The following VSTM5 variants were observed in gnomAD, a reference collection of about 807,000 sequenced individuals.
The protein encoded by VSTM5 is V-set and transmembrane domain-containing protein 5.
A neutral mutation model predicts 20.3 loss-of-function variants in VSTM5; 21 were observed. That is an observed-to-expected ratio of 1.03 (90% CI 0.73 to 1.49). The LOEUF (loss-of-function observed/expected upper bound fraction) is 1.49. VSTM5 is among the 40% of genes most tolerant of loss of function. VSTM5 has a pLI of 0.00. For missense variants in VSTM5, 219 were observed against 250.0 expected, an observed-to-expected ratio of 0.88 and a Z score of 0.84; for synonymous variants, 100 against 102.5, an observed-to-expected ratio of 0.98 and a Z score of 0.14.
At position 93,844,852 on chromosome 11, in the gene VSTM5, T is replaced by TCTTG. The variant is rs1309173055; in HGVS notation, c.91+5556_91+5559dup. Among the ~76,000 whole-genome samples the TCTTG allele has an allele frequency of 1.3e-4, 9 of 66,756 alleles. 3 individuals carry two copies. The highest frequency in any genetic ancestry group is 6.7e-4 in the Admixed American group (5 of 7,488). 43.8% of individuals were successfully genotyped at this position (66,756 alleles called of 152,430 possible). On this transcript the variant is annotated intron_variant, in intron 1 of 3. Transcript: ENST00000409977. ...TGCAGGGCCCCGCTGCTACCCCAGC[T>TCTTG]CTTGGCAAGCTGTTCCAGGCACAGT...
rs762109647 is a variant in VSTM5 at position 93,820,738 on chromosome 11, G to T, written c.559+5C>A. ...CATGGATTATCACAAGGCCCAGGGGGTTACCTTTGAGTTTGTGTCTTCTCT... is the reference window on the plus strand; with the variant it reads ...CATGGATTATCACAAGGCCCAGGGGTTTACCTTTGAGTTTGTGTCTTCTCT... On this transcript the variant is annotated splice_donor_5th_base_variant and intron_variant, in intron 3 of 3. Coordinates refer to ENST00000409977, the MANE Select transcript of VSTM5 (RefSeq NM_001144871.2). The T allele has an allele frequency of 8.4e-6, 13 of 1,551,686 alleles. No homozygotes were observed. Among genetic ancestry groups the T allele is most frequent in the South Asian group, 1.2e-5 (1 of 84,056 alleles).
At chr11:93,832,289 G>A (rs1269187720) in intron 1 of VSTM5, among the ~76,000 whole-genome samples, 1 of 152,162 alleles carries the variant, frequency 6.6e-6, no homozygotes, top group Non-Finnish European at 1.5e-5. Flanking sequence ...AATGAAAAAA[G>A]TAGAGGGCAG....
At chr11:93,834,007 C>G (rs1464282604) in intron 1 of VSTM5, among the ~76,000 whole-genome samples, 2 of 152,124 alleles carry the variant, frequency 1.3e-5, no homozygotes, top group Admixed American at 1.3e-4. Flanking sequence ...GCCTCAGTTC[C>G]ATTGCCCATC....
intron 1 of VSTM5, among the ~76,000 whole-genome samples, chr11:93,830,633 C>T (rs746157215): frequency 4.6e-5 from 7 of 152,178 alleles, no homozygotes; most frequent in African/African-American, 1.2e-4. Flanking sequence ...GGAGTATCTC[C>T]GCTGAGCTGA....
intron 1 of VSTM5, among the ~76,000 whole-genome samples, chr11:93,841,717 T>G (rs1399179404): frequency 6.6e-6 from 1 of 152,208 alleles, no homozygotes; most frequent in Non-Finnish European, 1.5e-5. Context: ...GGCCCTCCTC[T>G]CCTCTGACAC....
At chr11:93,841,816 G>A (rs1446514298) in intron 1 of VSTM5, among the ~76,000 whole-genome samples, 8 of 152,190 alleles carry the variant, frequency 5.3e-5, no homozygotes, top group Admixed American at 5.2e-4. Context: ...GGGACATGCA[G>A]TCATTAACAG....
chr11:93,831,758 G>A (rs1356872190), intron 1 of VSTM5, among the ~76,000 whole-genome samples: 1 of 152,144 alleles, frequency 6.6e-6, no homozygotes, highest in African/African-American at 2.4e-5. Flanking sequence ...AATGGCAACA[G>A]TCACCATTTC....
chr11:93,825,923 T>C (rs1338669543), intron 1 of VSTM5, among the ~76,000 whole-genome samples: 2 of 149,892 alleles, frequency 1.3e-5, no homozygotes, highest in Non-Finnish European at 3.0e-5. Context: ...TGTACAAAAC[T>C]AAGAGTTGAT....
At chr11:93,835,512 T>C (rs1944316486) in intron 1 of VSTM5, among the ~76,000 whole-genome samples, 2 of 152,230 alleles carry the variant, frequency 1.3e-5, no homozygotes, top group South Asian at 4.1e-4. Flanking sequence ...TAGGCTAAGA[T>C]ACTCTGATCT....
chr11:93,830,634 G>A (rs968507535), intron 1 of VSTM5, among the ~76,000 whole-genome samples: 2 of 152,300 alleles, frequency 1.3e-5, no homozygotes, highest in Admixed American at 1.3e-4. Context: ...GAGTATCTCC[G>A]CTGAGCTGAG....
intron 1 of VSTM5, among the ~76,000 whole-genome samples, chr11:93,828,484 G>A (rs1461150226): frequency 6.6e-6 from 1 of 151,980 alleles, no homozygotes; most frequent in African/African-American, 2.4e-5. Context: ...TTTAAAAATC[G>A]ATTATTCAGA....
chr11:93,836,865 T>C (rs1944326915), intron 1 of VSTM5, among the ~76,000 whole-genome samples: 1 of 151,934 alleles, frequency 6.6e-6, no homozygotes, highest in Non-Finnish European at 1.5e-5. Context: ...CCTTATAGGG[T>C]TGTACATCTG....
At chr11:93,841,875 G>A (rs1047792213) in intron 1 of VSTM5, among the ~76,000 whole-genome samples, 1 of 152,172 alleles carries the variant, frequency 6.6e-6, no homozygotes, top group African/African-American at 2.4e-5. Context: ...TCTGGTGAAC[G>A]GAATTGAGGC....
chr11:93,847,715 G>T (rs143276747), intron 1 of VSTM5, among the ~76,000 whole-genome samples: 1 of 152,220 alleles, frequency 6.6e-6, no homozygotes, highest in African/African-American at 2.4e-5. Context: ...TTCTAGAAAG[G>T]TGCCTGGTCT....
At chr11:93,829,401 G>A (rs928155917) in intron 1 of VSTM5, among the ~76,000 whole-genome samples, 9 of 152,102 alleles carry the variant, frequency 5.9e-5, no homozygotes, top group African/African-American at 1.7e-4. Context: ...GGTGGCTGGC[G>A]CCTGTAATCC....
At chr11:93,821,855 C>G (rs1565298730) in intron 1 of VSTM5, 1 of 153,538 alleles carries the variant, frequency 6.5e-6, no homozygotes, top group Admixed American at 6.5e-5. Context: ...AGTACAATGC[C>G]TGGCACATAG....
chr11:93,850,584 C>T lies in VSTM5; in HGVS notation c.-82G>A. 4.0e-6 allele frequency: 4 copies of T among 1,012,588 alleles called. No homozygotes were observed. Among genetic ancestry groups the T allele is most frequent in the Non-Finnish European group, 5.5e-6 (4 of 727,710 alleles). The allele number at this position is 1,012,588 out of a possible 1,614,324, so 62.7% of individuals were successfully genotyped here. ...TCCTATGCAGCCTTCTCTCTTCCTCCGCCTCTGGCTGCCGCAGGTTCTTTA... is the reference window on the plus strand; with the variant it reads ...TCCTATGCAGCCTTCTCTCTTCCTCTGCCTCTGGCTGCCGCAGGTTCTTTA... On this transcript the variant is annotated 5_prime_UTR_variant, in exon 1 of 4. Coordinates refer to ENST00000409977, the MANE Select transcript of VSTM5 (RefSeq NM_001144871.2).
intron 1 of VSTM5, among the ~76,000 whole-genome samples, chr11:93,835,445 A>T (rs953618590): frequency 6.6e-6 from 1 of 152,228 alleles, no homozygotes; most frequent in South Asian, 2.1e-4. Flanking sequence ...AAAAAATTAA[A>T]AAGAAATTTC....
chr11:93,828,770 C>A (rs1428520083), intron 1 of VSTM5, among the ~76,000 whole-genome samples: 1 of 152,184 alleles, frequency 6.6e-6, no homozygotes, highest in East Asian at 1.9e-4. Flanking sequence ...CTTATCAAGC[C>A]TTTAGTTAAG....
Sources: allele counts gnomAD v4.1 joint callset (sites outside exome capture counted in the v4.1 genomes callset), GRCh38; gene constraint gnomAD v4.1.1; transcripts MANE v1.5; gene names NCBI Gene and HGNC (gene_info 2026-07-23, HGNC 2026-07-21).